The following MYO3B variants were observed in gnomAD, a reference collection of about 807,000 sequenced individuals.
MYO3B encodes myosin IIIB, also known as myosin-IIIb.
In MYO3B, 156 loss-of-function variants were observed where a neutral mutation model predicts 174.6. The observed-to-expected ratio is 0.89, with a 90% CI of 0.78 to 1.02. The LOEUF (loss-of-function observed/expected upper bound fraction) is 1.02. Among genes scored for constraint, MYO3B ranks in the 50% least tolerant of loss-of-function variants. MYO3B has a pLI of 0.00. For synonymous variants in MYO3B, 563 were observed against 569.1 expected, an observed-to-expected ratio of 0.99 and a Z score of 0.15; for missense variants, 1,632 against 1,639.4, an observed-to-expected ratio of 1.00 and a Z score of 0.08.
chr2:170,552,314 G>C (rs1575154559), intron 32 of MYO3B, among the ~76,000 whole-genome samples: 1 of 152,182 alleles, frequency 6.6e-6, no homozygotes, highest in African/African-American at 2.4e-5. Context: ...CCAAAATGCT[G>C]ATAGTGATAT....
intron 32 of MYO3B, among the ~76,000 whole-genome samples, chr2:170,580,718 A>ATATATATGTGTGTGTGTGTG (rs768974458): frequency 1.3e-3 from 184 of 142,768 alleles, no homozygotes; most frequent in Non-Finnish European, 2.3e-3. Flanking sequence ...AACCTTATAT[A>ATATATATGTGTGTGTGTGTG]TGTGTGTGTG....
At chr2:170,509,751 T>A (rs1687863915) in intron 28 of MYO3B, among the ~76,000 whole-genome samples, 1 of 151,896 alleles carries the variant, frequency 6.6e-6, no homozygotes, top group Admixed American at 6.6e-5. Flanking sequence ...ATTGTCACCC[T>A]GCTTCTGTAA....
At position 170,302,960 on chromosome 2, in the gene MYO3B, C is replaced by A. The variant is rs73014979; in HGVS notation, c.750-32425C>A. ...GTTTTCTACTTGAACATTTATTGAG[C>A]AGTTATCTTTTCATTCTTGAGTCTA... On this transcript the variant is annotated intron_variant, in intron 7 of 34. Coordinates refer to ENST00000408978, the MANE Select transcript of MYO3B (RefSeq NM_138995.5). Among the ~76,000 whole-genome samples, 684 of 152,222 alleles carry A rather than the reference C, an allele frequency of 4.5e-3. 9 individuals are homozygous for A. The highest frequency in any genetic ancestry group is 0.016 in the African/African-American group (645 of 41,558).
At chr2:170,214,685 C>G in intron 4 of MYO3B, 44 bp from the exon 5 acceptor site, 3 of 1,551,956 alleles carry the variant, frequency 1.9e-6, no homozygotes, top group Non-Finnish European at 2.7e-6. Context: ...GTAAATTTCC[C>G]CTTTCTCTTT....
At chr2:170,529,183 C>T (rs1255845045) in intron 30 of MYO3B, among the ~76,000 whole-genome samples, 2 of 152,080 alleles carry the variant, frequency 1.3e-5, no homozygotes, top group Non-Finnish European at 2.9e-5. Flanking sequence ...AGGAGAACAA[C>T]AGACACTGGA....
intron 23 of MYO3B, among the ~76,000 whole-genome samples, chr2:170,459,768 G>C (rs1684143470): frequency 6.6e-6 from 1 of 152,144 alleles, no homozygotes; most frequent in Non-Finnish European, 1.5e-5. Flanking sequence ...TGCGGGTCCT[G>C]AGCCCTGCCC....
intron 7 of MYO3B, among the ~76,000 whole-genome samples, chr2:170,300,688 G>C (rs886216139): frequency 6.6e-6 from 1 of 152,178 alleles, no homozygotes; most frequent in Non-Finnish European, 1.5e-5. Context: ...ATCCAACTCA[G>C]AATTCCTGCT....
chr2:170,491,932 C>A lies in MYO3B; in HGVS notation c.3015-6660C>A, dbSNP rs1381114327. On this transcript the variant is annotated intron_variant, in intron 25 of 34. Transcript: ENST00000408978. ...AACCAGGTGTGGTGGCGCATGCCTG[C>A]AATCCCAGCTACTCAGGAAGCTGAG... 2.0e-5 allele frequency among the ~76,000 whole-genome samples: 3 copies of A among 151,990 alleles called. No individual in the cohort carries two copies. In the East Asian group the frequency reaches 5.9e-4, roughly 30 times the overall value.
intron 32 of MYO3B, among the ~76,000 whole-genome samples, chr2:170,566,086 T>A (rs536956129): frequency 1.3e-5 from 2 of 152,172 alleles, no homozygotes; most frequent in East Asian, 3.8e-4. Flanking sequence ...TATCAGTAGG[T>A]TATAGTACAT....
intron 22 of MYO3B, among the ~76,000 whole-genome samples, chr2:170,429,331 T>A (rs565407544): frequency 1.3e-5 from 2 of 152,326 alleles, no homozygotes; most frequent in Admixed American, 6.5e-5. Flanking sequence ...ATGAGTCTCC[T>A]AGTAGCTCGT....
At chr2:170,625,422 T>C (rs1469012320) in intron 32 of MYO3B, among the ~76,000 whole-genome samples, 4 of 152,210 alleles carry the variant, frequency 2.6e-5, no homozygotes, top group East Asian at 1.9e-4. Context: ...ATGCCCTTTA[T>C]CACATCTATT....
At chr2:170,421,858 AG>A (rs2094618018) in intron 22 of MYO3B, among the ~76,000 whole-genome samples, 1 of 152,116 alleles carries the variant, frequency 6.6e-6, no homozygotes, top group African/African-American at 2.4e-5. Flanking sequence ...GAATGTTTTT[AG>A]GTTTTAATTT....
At chr2:170,208,398 G>C (rs529061604) in intron 3 of MYO3B, among the ~76,000 whole-genome samples, 1 of 152,264 alleles carries the variant, frequency 6.6e-6, no homozygotes, top group East Asian at 1.9e-4. Context: ...AGGTGCATGG[G>C]GCTTGGCTTT....
chr2:170,482,545 T>A (rs1685765862), intron 25 of MYO3B, among the ~76,000 whole-genome samples: 1 of 152,252 alleles, frequency 6.6e-6, no homozygotes, highest in Non-Finnish European at 1.5e-5. Context: ...CCCAGCCATG[T>A]GGAACTGTAA....
Position 170,391,606 on chromosome 2 carries a change from AAAAACCTCC to A in MYO3B, c.1665_1673del (p.Glu555_Pro558delinsAsp). On this transcript the variant is annotated inframe_deletion, in exon 15 of 35. Coordinates refer to ENST00000408978, the MANE Select transcript of MYO3B (RefSeq NM_138995.5). ...CTTTCTGATTTCAGACTTCCTGAGG[AAAAACCTCC>A]TAGGTAAGTGTCAGGGGGGTTGGTT... The A allele has an allele frequency of 6.3e-7, 1 of 1,576,634 alleles. No individual in the cohort carries two copies. The highest frequency in any genetic ancestry group is 8.6e-7 in the Non-Finnish European group (1 of 1,159,904).
chr2:170,329,323 T>C (rs16858159), intron 7 of MYO3B, among the ~76,000 whole-genome samples: 24,531 of 151,408 alleles, frequency 0.16, 3,956 homozygotes, highest in African/African-American at 0.42. Flanking sequence ...TAAAAGAATA[T>C]AACCCATACT....
rs1318972818 is a variant in MYO3B, at chr2:170,283,733, C to T, written c.749+47597C>T. Among the ~76,000 whole-genome samples the T allele has an allele frequency of 2.0e-5, 3 of 152,156 alleles. 1 individual carries two copies. The highest frequency in any genetic ancestry group is 2.0e-4 in the Admixed American group (3 of 15,276). ...TCAGTTAATTGTGTGGGTTAAATATCAGAAGGCTAGAGGTGAGCAGTAGTA... is the reference window on the plus strand; with the variant it reads ...TCAGTTAATTGTGTGGGTTAAATATTAGAAGGCTAGAGGTGAGCAGTAGTA... On this transcript the variant is annotated intron_variant, in intron 7 of 34. Coordinates refer to ENST00000408978, the MANE Select transcript of MYO3B (RefSeq NM_138995.5).
At chr2:170,548,062 G>A (rs1473114097) in intron 32 of MYO3B, among the ~76,000 whole-genome samples, 12 of 127,334 alleles carry the variant, frequency 9.4e-5, no homozygotes, top group South Asian at 2.5e-4. Flanking sequence ...AGCCAAGATC[G>A]CGCCACTGCA....
intron 9 of MYO3B, among the ~76,000 whole-genome samples, chr2:170,372,289 T>C (rs560770398): frequency 2.4e-4 from 36 of 152,142 alleles, no homozygotes; most frequent in Non-Finnish European, 4.1e-4. Context: ...AGTCAATACA[T>C]GTAAAATGCT....
Sources: gnomAD v4.1 joint callset for allele counts (sites outside exome capture counted in the v4.1 genomes callset) on GRCh38, gnomAD v4.1.1 for gene constraint, MANE v1.5 for transcripts, NCBI Gene and HGNC (gene_info 2026-07-23, HGNC 2026-07-21) for gene names.